Variants in CDH23 observed in about 807,000 individuals in gnomAD.
The protein encoded by CDH23 is cadherin related 23.
A neutral mutation model predicts 317.1 loss-of-function variants in CDH23; 189 were observed. The observed-to-expected ratio is 0.60, with a 90% CI of 0.53 to 0.67. The LOEUF (loss-of-function observed/expected upper bound fraction) is 0.67. Among genes scored for constraint, CDH23 ranks in the 30% least tolerant of loss-of-function variants. The pLI is 0.00. For missense variants in CDH23, 4,401 were observed against 4,592.4 expected, an observed-to-expected ratio of 0.96 and a Z score of 1.20; for synonymous variants, 1,839 against 1,876.8, an observed-to-expected ratio of 0.98 and a Z score of 0.52.
At chr10:71,771,450 G>C (rs905218052) in intron 38 of CDH23, among the ~76,000 whole-genome samples, 1 of 152,180 alleles carries the variant, frequency 6.6e-6, no homozygotes, top group Admixed American at 6.5e-5. Flanking sequence ...CCAGCACCTC[G>C]GCAGGCTGGT....
chr10:71,573,975 A>T (rs892853017), intron 8 of CDH23, among the ~76,000 whole-genome samples: 2 of 152,084 alleles, frequency 1.3e-5, no homozygotes, highest in Non-Finnish European at 2.9e-5. Flanking sequence ...CCGGCTGCTA[A>T]TTGGTTTCTG....
chr10:71,567,060 AGTG>A, intron 7 of CDH23, 124 bp downstream of exon 7: 1 of 890,816 alleles, frequency 1.1e-6, no homozygotes, highest in South Asian at 1.6e-5. Flanking sequence ...TAATAATTAT[AGTG>A]GTGACAGTCA....
chr10:71,567,445 C>T (rs1238039430), intron 7 of CDH23, among the ~76,000 whole-genome samples: 1 of 152,260 alleles, frequency 6.6e-6, no homozygotes, highest in Non-Finnish European at 1.5e-5. Context: ...CATCATCCCT[C>T]TGTGCCAAGC....
At chr10:71,485,874 G>A (rs1564610513) in intron 3 of CDH23, among the ~76,000 whole-genome samples, 1 of 152,232 alleles carries the variant, frequency 6.6e-6, no homozygotes, top group Non-Finnish European at 1.5e-5. Context: ...CTCAGTCTGA[G>A]ATGCTCATGC....
intron 28 of CDH23, among the ~76,000 whole-genome samples, chr10:71,723,265 G>A (rs1207689695): frequency 6.6e-6 from 1 of 152,164 alleles, no homozygotes; most frequent in Admixed American, 6.5e-5. Context: ...GTTTTGGGTG[G>A]GCAGTGGGTA....
chr10:71,683,476 C>T (rs1385024116), intron 18 of CDH23, among the ~76,000 whole-genome samples: 1 of 152,208 alleles, frequency 6.6e-6, no homozygotes. Flanking sequence ...CAAGCTCTGT[C>T]TTCTCAACCC....
intron 27 of CDH23, among the ~76,000 whole-genome samples, chr10:71,710,240 G>T (rs1280741799): frequency 6.6e-6 from 1 of 152,236 alleles, no homozygotes; most frequent in Admixed American, 6.5e-5. Context: ...CGGCATGGAA[G>T]ACAGCACTTG....
chr10:71,752,948 T>C (rs772716819), intron 38 of CDH23: 2 of 1,611,408 alleles, frequency 1.2e-6, no homozygotes, highest in Non-Finnish European at 1.7e-6. Flanking sequence ...CAGGAAGTTT[T>C]CTCAAGAAGG....
At chr10:71,533,566 CACACT>C (rs1564637141) in intron 6 of CDH23, among the ~76,000 whole-genome samples, 72 of 118,370 alleles carry the variant, frequency 6.1e-4, no homozygotes, top group South Asian at 9.1e-4. Flanking sequence ...CACACACACA[CACACT>C]GGCTGGGGCT....
intron 3 of CDH23, among the ~76,000 whole-genome samples, chr10:71,473,677 T>C (rs926748683): frequency 3.9e-5 from 6 of 152,210 alleles, no homozygotes; most frequent in Admixed American, 1.3e-4. Flanking sequence ...CAAATACATG[T>C]GAAAACATTT....
At chr10:71,623,247 G>A (rs1008642946) in intron 11 of CDH23, among the ~76,000 whole-genome samples, 1 of 152,256 alleles carries the variant, frequency 6.6e-6, no homozygotes, top group Non-Finnish European at 1.5e-5. Flanking sequence ...TGTTGGAGCT[G>A]AGGTTAAGTG....
chr10:71,529,752 G>A (rs958425009), intron 6 of CDH23, among the ~76,000 whole-genome samples: 7 of 152,018 alleles, frequency 4.6e-5, no homozygotes, highest in African/African-American at 1.7e-4. Flanking sequence ...CACCTGGCTG[G>A]GTGGCTCCCG....
intron 38 of CDH23, among the ~76,000 whole-genome samples, chr10:71,762,544 A>T (rs1365260263): frequency 3.9e-5 from 6 of 152,240 alleles, no homozygotes; most frequent in Admixed American, 3.9e-4. Context: ...TGCTGAATGC[A>T]TGGCCTCCCC....
At chr10:71,657,578 C>T (rs1158802117) in intron 14 of CDH23, among the ~76,000 whole-genome samples, 1 of 152,198 alleles carries the variant, frequency 6.6e-6, no homozygotes, top group Non-Finnish European at 1.5e-5. Flanking sequence ...GGTCCACAGG[C>T]TTTAGCAAAA....
intron 9 of CDH23, among the ~76,000 whole-genome samples, chr10:71,592,284 T>C (rs1859546909): frequency 6.6e-6 from 1 of 152,198 alleles, no homozygotes; most frequent in Admixed American, 6.5e-5. Context: ...GGAACGAAGC[T>C]TGGATGTTTT....
chr10:71,613,792 G>A (rs1162327669), intron 9 of CDH23, among the ~76,000 whole-genome samples: 1 of 152,212 alleles, frequency 6.6e-6, no homozygotes, highest in African/African-American at 2.4e-5. Context: ...TGATTCTGGT[G>A]TTCACCTGCG....
At chr10:71,776,288 C>T (rs1276596615) in intron 38 of CDH23, among the ~76,000 whole-genome samples, 1 of 152,142 alleles carries the variant, frequency 6.6e-6, no homozygotes, top group African/African-American at 2.4e-5. Context: ...TTCTTGGGTC[C>T]AGATCCCCTG....
In CDH23 at chr10:71,621,783, C is replaced by A. The variant is rs1421311358; in HGVS notation, c.1134+4390C>A. Among the ~76,000 whole-genome samples, 3 of 152,234 alleles carry A rather than the reference C, an allele frequency of 2.0e-5. No homozygotes were observed. The East Asian group carries it at 5.8e-4, about 29-fold the overall frequency. ...TTCTGCTCAGTCTCTCACTGAGTCT[C>A]AGACTCTGCTAGACCATTCACAACA... On this transcript the variant is annotated intron_variant, in intron 11 of 69. Coordinates refer to ENST00000224721, the MANE Select transcript of CDH23 (RefSeq NM_022124.6).
At chr10:71,461,254 G>A (rs1564595008) in intron 3 of CDH23, among the ~76,000 whole-genome samples, 1 of 152,166 alleles carries the variant, frequency 6.6e-6, no homozygotes, top group Non-Finnish European at 1.5e-5. Flanking sequence ...TAGGTGGGAT[G>A]GCCTGTAGTG....
Sources: allele counts gnomAD v4.1 joint callset (sites outside exome capture counted in the v4.1 genomes callset), GRCh38; gene constraint gnomAD v4.1.1; transcripts MANE v1.5; gene names NCBI Gene and HGNC (gene_info 2026-07-23, HGNC 2026-07-21).